ABI1: variants seen among roughly 807,000 people sequenced by gnomAD.
The protein encoded by ABI1 is Abelson interactor 1.
A neutral mutation model predicts 54.6 loss-of-function variants in ABI1; 14 were observed. That is an observed-to-expected ratio of 0.26 (90% CI 0.17 to 0.40). The LOEUF is 0.40. Ranked by LOEUF, ABI1 falls within the 10% of genes least tolerant of loss-of-function variation. ABI1 has a pLI of 1.00. For missense variants in ABI1, 443 were observed against 598.3 expected, an observed-to-expected ratio of 0.74 and a Z score of 2.71; for synonymous variants, 194 against 209.3, an observed-to-expected ratio of 0.93 and a Z score of 0.63.
chr10:26,777,559 T>A (rs1430083723), intron 2 of ABI1, among the ~76,000 whole-genome samples: 1 of 152,022 alleles, frequency 6.6e-6, no homozygotes, highest in Non-Finnish European at 1.5e-5. Flanking sequence ...GGTGGATTGC[T>A]TGAGTTCAGG....
rs540557495 is a variant in ABI1, at chr10:26,855,643, C to T, written c.117+5104G>A. ...CTCTACCCTTCTCTATTACCCTCTGCGCACATTGTTTTTATCCCCTATGTT... is the reference window on the plus strand; with the variant it reads ...CTCTACCCTTCTCTATTACCCTCTGTGCACATTGTTTTTATCCCCTATGTT... On this transcript the variant is annotated intron_variant, in intron 1 of 10. Coordinates refer to ENST00000376140, the MANE Select transcript of ABI1 (RefSeq NM_001012750.3). Among the ~76,000 whole-genome samples, 15 of 152,256 alleles carry T rather than the reference C, an allele frequency of 9.9e-5. No individual in the cohort carries two copies. In the South Asian group the frequency reaches 2.7e-3, roughly 27 times the overall value.
chr10:26,807,632 G>A (rs2046959884), intron 2 of ABI1, among the ~76,000 whole-genome samples: 1 of 152,062 alleles, frequency 6.6e-6, no homozygotes, highest in Non-Finnish European at 1.5e-5. Context: ...CTGTAATACA[G>A]GCAAAGTTTT....
intron 1 of ABI1, among the ~76,000 whole-genome samples, chr10:26,859,759 A>G (rs1014637091): frequency 6.6e-6 from 1 of 152,186 alleles, no homozygotes; most frequent in Non-Finnish European, 1.5e-5. Context: ...TTCACATACT[A>G]TACATTTACT....
At chr10:26,843,152 G>T (rs1487126429) in intron 1 of ABI1, among the ~76,000 whole-genome samples, 1 of 151,540 alleles carries the variant, frequency 6.6e-6, no homozygotes, top group East Asian at 1.9e-4. Flanking sequence ...AGTATCCATA[G>T]GTCAAAATAT....
At chr10:26,776,732 T>C (rs528726897) in intron 3 of ABI1, 6 of 181,956 alleles carry the variant, frequency 3.3e-5, no homozygotes, top group Middle Eastern at 2.2e-3. Flanking sequence ...TTATAAATTA[T>C]TTTCTAAAGT....
At chr10:26,856,290 AC>A (rs1381473858) in intron 1 of ABI1, among the ~76,000 whole-genome samples, 14 of 149,220 alleles carry the variant, frequency 9.4e-5, no homozygotes, top group Admixed American at 2.7e-4. Flanking sequence ...AAAAAAAAAA[AC>A]CCATTCAGGA....
chr10:26,845,600 G>A (rs1031062497), intron 1 of ABI1, among the ~76,000 whole-genome samples: 1 of 151,980 alleles, frequency 6.6e-6, no homozygotes, highest in Admixed American at 6.5e-5. Context: ...CCAAGATCGT[G>A]CCATTGCACT....
chr10:26,851,169 A>G lies in ABI1; in HGVS notation c.117+9578T>C, dbSNP rs116950068. On this transcript the variant is annotated intron_variant, in intron 1 of 10. Transcript: ENST00000376140. Reference sequence around the variant, plus strand: ...ATAGAACAGGTTAAAGAGTGAATGAAAAGTGGGAGATGGAGGAAAATGCTT... The same window carrying G: ...ATAGAACAGGTTAAAGAGTGAATGAGAAGTGGGAGATGGAGGAAAATGCTT... 3.3e-4 allele frequency among the ~76,000 whole-genome samples: 50 copies of G among 152,110 alleles called. No homozygotes were observed. The East Asian group carries it at 9.1e-3, about 28-fold the overall frequency.
chr10:26,754,412 A>G (rs1396408527), intron 9 of ABI1, among the ~76,000 whole-genome samples: 4 of 152,234 alleles, frequency 2.6e-5, no homozygotes, highest in African/African-American at 9.6e-5. Flanking sequence ...TTTCAAACAC[A>G]TATTAACAGT....
Position 26,746,653 on chromosome 10 carries a change from GTAAT to G in ABI1, c.*1913_*1916del, listed in dbSNP as rs1159256822. 1 of 621,444 alleles carries G rather than the reference GTAAT, an allele frequency of 1.6e-6. No individual in the cohort carries two copies. The highest frequency in any genetic ancestry group is 2.9e-5 in the East Asian group (1 of 34,698). 38.5% of individuals were successfully genotyped at this position (621,444 alleles called of 1,614,324 possible). On this transcript the variant is annotated 3_prime_UTR_variant, in exon 11 of 11. Transcript: ENST00000376140. Reference sequence around the variant, plus strand: ...AGTTTTTTCAGAAAACTTTTTAAATGTAATTAATAAACCACCTGAATCTGTCATT... The same window carrying G: ...AGTTTTTTCAGAAAACTTTTTAAATGTAATAAACCACCTGAATCTGTCATT...
At chr10:26,832,436 T>C (rs1176426032) in intron 1 of ABI1, among the ~76,000 whole-genome samples, 1 of 151,736 alleles carries the variant, frequency 6.6e-6, no homozygotes, top group Non-Finnish European at 1.5e-5. Context: ...ACAAAAAAAT[T>C]AGCTGGGAAT....
At chr10:26,802,210 G>GGC (rs1176547819) in intron 2 of ABI1, among the ~76,000 whole-genome samples, 1 of 152,154 alleles carries the variant, frequency 6.6e-6, no homozygotes, top group Non-Finnish European at 1.5e-5. Context: ...AATTAAGGCA[G>GGC]GCGCCAGATG....
At chr10:26,822,564 C>G (rs1157616211) in intron 2 of ABI1, among the ~76,000 whole-genome samples, 2 of 151,818 alleles carry the variant, frequency 1.3e-5, no homozygotes, top group Admixed American at 1.3e-4. Flanking sequence ...ATGAATGAAT[C>G]TCAAAATAAT....
chr10:26,859,506 A>T (rs2051122937), intron 1 of ABI1, among the ~76,000 whole-genome samples: 1 of 152,234 alleles, frequency 6.6e-6, no homozygotes, highest in Non-Finnish European at 1.5e-5. Context: ...CAAAAGCAAG[A>T]GCATTCCTGG....
chr10:26,756,190 A>G (rs953915153), intron 8 of ABI1, among the ~76,000 whole-genome samples: 2 of 152,206 alleles, frequency 1.3e-5, no homozygotes, highest in Admixed American at 6.5e-5. Flanking sequence ...GTTGTAAATT[A>G]GGACCCAAAT....
chr10:26,858,286 A>T (rs1435708875), intron 1 of ABI1, among the ~76,000 whole-genome samples: 3 of 152,050 alleles, frequency 2.0e-5, no homozygotes, highest in Non-Finnish European at 4.4e-5. Flanking sequence ...TTCATTCCCC[A>T]TTCTTAGCAC....
At chr10:26,793,853 T>C (rs1843771566) in intron 2 of ABI1, among the ~76,000 whole-genome samples, 1 of 152,206 alleles carries the variant, frequency 6.6e-6, no homozygotes, top group South Asian at 2.1e-4. Context: ...ATTTCATGAG[T>C]GTCTCTCCCT....
At chr10:26,857,304 G>A (rs1252061950) in intron 1 of ABI1, among the ~76,000 whole-genome samples, 4 of 117,678 alleles carry the variant, frequency 3.4e-5, no homozygotes, top group African/African-American at 1.3e-4. Context: ...CCAGGCAATA[G>A]AGCGAGACTC....
intron 1 of ABI1, among the ~76,000 whole-genome samples, chr10:26,824,111 A>C (rs577068152): frequency 6.6e-6 from 1 of 152,202 alleles, no homozygotes; most frequent in Non-Finnish European, 1.5e-5. Flanking sequence ...TGGAACAGAG[A>C]TCTAACAGAA....
Sources: gnomAD v4.1 joint callset for allele counts (sites outside exome capture counted in the v4.1 genomes callset) on GRCh38, gnomAD v4.1.1 for gene constraint, MANE v1.5 for transcripts, NCBI Gene and HGNC (gene_info 2026-07-23, HGNC 2026-07-21) for gene names.